Variants in ACOT11 observed in about 807,000 individuals in gnomAD.
ACOT11 encodes acyl-coenzyme A thioesterase 11.
ACOT11 carries 69 observed loss-of-function variants against 77.5 expected under a neutral mutation model. The observed-to-expected ratio is 0.89, with a 90% CI of 0.73 to 1.09. The LOEUF (loss-of-function observed/expected upper bound fraction) is 1.09, where lower values mean the gene tolerates loss of function less well. ACOT11 is among the 50% of genes least tolerant of loss of function. The pLI is 0.00. For synonymous variants in ACOT11, 279 were observed against 313.0 expected, an observed-to-expected ratio of 0.89 and a Z score of 1.15; for missense variants, 766 against 813.7, an observed-to-expected ratio of 0.94 and a Z score of 0.71.
rs868226157 is a variant in ACOT11, at chr1:54,634,626, A to T, written c.1783-62A>T. 3.0e-5 allele frequency: 21 copies of T among 696,536 alleles called. 1 individual carries two copies. The South Asian group carries it at 3.1e-4, about 10-fold the overall frequency. 43.1% of individuals were successfully genotyped at this position (696,536 alleles called of 1,614,324 possible). On this transcript the variant is annotated intron_variant, in intron 16 of 16. Transcript: ENST00000371316. The stretch of plus-strand genomic sequence containing the variant: ...TTATTTGGTGAAGAGATCCAATAAC[A>T]AAAAGTTGGGAAATAGGTAAAATAA...
chr1:54,601,786 G>A (rs1205126056), intron 9 of ACOT11, among the ~76,000 whole-genome samples: 1 of 152,228 alleles, frequency 6.6e-6, no homozygotes, highest in Non-Finnish European at 1.5e-5. Flanking sequence ...TAAAATGGGT[G>A]TATCTGCAGT....
intron 1 of ACOT11, among the ~76,000 whole-genome samples, chr1:54,569,192 C>G (rs915712117): frequency 1.3e-4 from 19 of 150,790 alleles, no homozygotes; most frequent in African/African-American, 3.4e-4. Context: ...AAACGCCTGG[C>G]TTCAAGCAAT....
At chr1:54,575,555 G>T (rs1166631506) in intron 1 of ACOT11, among the ~76,000 whole-genome samples, 1 of 148,872 alleles carries the variant, frequency 6.7e-6, no homozygotes, top group African/African-American at 2.6e-5. Context: ...ACACTAGGGA[G>T]AATTCGGAAC....
intron 15 of ACOT11, among the ~76,000 whole-genome samples, chr1:54,625,486 A>C (rs1222689787): frequency 1.3e-5 from 2 of 152,198 alleles, no homozygotes; most frequent in African/African-American, 4.8e-5. Flanking sequence ...TCCCTTCTGT[A>C]ATAAGGCATG....
At chr1:54,576,508 A>G (rs1401226128) in intron 1 of ACOT11, among the ~76,000 whole-genome samples, 1 of 151,564 alleles carries the variant, frequency 6.6e-6, no homozygotes, top group East Asian at 1.9e-4. Flanking sequence ...AAAAAAAAAA[A>G]AAAAAGCAAA....
chr1:54,608,088 C>T lies in ACOT11; in HGVS notation c.1629+20C>T, dbSNP rs1644052334. On this transcript the variant is annotated intron_variant, in intron 15 of 15. Coordinates refer to ENST00000343744, the MANE Select transcript of ACOT11 (RefSeq NM_147161.4). ...ACCAAGGTGAGGCCGGTCCCCCCAACCACGCCCCCAGCCTGGCTCCACCCC... is the reference window on the plus strand; with the variant it reads ...ACCAAGGTGAGGCCGGTCCCCCCAATCACGCCCCCAGCCTGGCTCCACCCC... 1 of 1,602,434 alleles carries T rather than the reference C, an allele frequency of 6.2e-7. No individual in the cohort carries two copies. The highest frequency in any genetic ancestry group is 8.5e-7 in the Non-Finnish European group (1 of 1,175,292).
Position 54,603,905 on chromosome 1 carries a change from C to G in ACOT11, c.1120C>G (p.Pro374Ala), listed in dbSNP as rs751566064. ...CGTGTCCTGTAAGCAGACAGAGGTGCCCCTCTCCGTCCCCTGGGACCCTAG... is the reference window on the plus strand; with the variant it reads ...CGTGTCCTGTAAGCAGACAGAGGTGGCCCTCTCCGTCCCCTGGGACCCTAG... ...YIVSCKQTEVPLSVPWDPSNQ... is the reference protein window; with the variant it reads ...YIVSCKQTEVALSVPWDPSNQ... Residue 374 changes from proline to alanine, a missense_variant, in exon 11 of 16, where the codon CCC becomes GCC. Physicochemically the swap from Pro to Ala is conservative, Grantham distance 27 (BLOSUM62 -1). Coordinates refer to ENST00000343744, the MANE Select transcript of ACOT11 (RefSeq NM_147161.4). 2 of 1,614,126 alleles carry G rather than the reference C, an allele frequency of 1.2e-6. No individual in the cohort carries two copies. The highest frequency in any genetic ancestry group is 8.5e-7 in the Non-Finnish European group (1 of 1,180,006).
Position 54,619,982 on chromosome 1 carries a change from A to G in ACOT11, c.1630-10752A>G, listed in dbSNP as rs780087244. On this transcript the variant is annotated intron_variant, in intron 15 of 16. Coordinates refer to the ACOT11 transcript ENST00000371316. Reference sequence around the variant, plus strand: ...GCAGGTAGTCCAGCATGTCGGCATCAGGGCTGCAGGCCTCCAGCTCACAGC... The same window carrying G: ...GCAGGTAGTCCAGCATGTCGGCATCGGGGCTGCAGGCCTCCAGCTCACAGC... 7.4e-6 allele frequency: 12 copies of G among 1,613,886 alleles called. No homozygotes were observed. In the East Asian group the frequency reaches 1.3e-4, roughly 18 times the overall value.
intron 1 of ACOT11, among the ~76,000 whole-genome samples, chr1:54,576,491 TA>T (rs71581820): frequency 0.082 from 5,570 of 68,266 alleles, 138 homozygotes; most frequent in East Asian, 0.19. Context: ...GAGCAAGATC[TA>T]AAAAAAAAAA....
At chr1:54,557,281 A>T (rs144688520) in intron 1 of ACOT11, among the ~76,000 whole-genome samples, 8,471 of 150,452 alleles carry the variant, frequency 0.056, 789 homozygotes, top group African/African-American at 0.2. Flanking sequence ...AATCCCAGCT[A>T]CTGAGGAGGC....
At chr1:54,623,691 C>T in intron 15 of ACOT11, 1 of 270,374 alleles carries the variant, frequency 3.7e-6, no homozygotes, top group Admixed American at 4.9e-5. Flanking sequence ...GAATGTTGGA[C>T]CGAGCCCCGA....
chr1:54,584,749 A>G lies in ACOT11; in HGVS notation c.128A>G (p.Asn43Ser), dbSNP rs1654437015. The G allele has an allele frequency of 6.2e-7, 1 of 1,613,910 alleles. No individual in the cohort carries two copies. Among genetic ancestry groups the G allele is most frequent in the South Asian group, 1.1e-5 (1 of 91,078 alleles). ...ATGGCAGACGGCGAGGGATACCGGA[A>G]CCCCACGGAGGTGCAGATGAGCCAG... Reference protein sequence around the residue: ...SAMADGEGYRNPTEVQMSQLV... With the variant: ...SAMADGEGYRSPTEVQMSQLV... The change falls in exon 2 of 16, where the codon AAC (asparagine) becomes AGC (serine). Residue 43 changes from asparagine (N) to serine (S), a missense_variant. Asn to Ser is a conservative substitution (Grantham distance 46). Transcript: ENST00000343744. The surrounding 1 kb of genome is among the most constrained non-coding windows in gnomAD (Gnocchi z 6.3).
rs879039301 is a variant in ACOT11, at chr1:54,548,230, T to G, written c.-80T>G. ...AGCAGGAGAGGCCCACAGGCTTCAT[T>G]TGGAGTCAGGCCTGGCTGTTGCTCA... On this transcript the variant is annotated 5_prime_UTR_variant, in exon 1 of 16. The change creates a new upstream start codon in the 5' untranslated region. Coordinates refer to ENST00000343744, the MANE Select transcript of ACOT11 (RefSeq NM_147161.4). 10 of 1,540,968 alleles carry G rather than the reference T, an allele frequency of 6.5e-6. No individual in the cohort carries two copies. The highest frequency in any genetic ancestry group is 1.9e-5 in the Admixed American group (1 of 51,404).
downstream of ACOT11, chr1:54,612,636 G>A (rs200315891): frequency 5.0e-6 from 8 of 1,614,060 alleles, no homozygotes; most frequent in African/African-American, 1.3e-5. Flanking sequence ...GTTTGGGGAC[G>A]TGGACATGTA....
At chr1:54,604,594 C>G (rs1644003054) in intron 12 of ACOT11, among the ~76,000 whole-genome samples, 165 bp downstream of exon 12, 1 of 152,186 alleles carries the variant, frequency 6.6e-6, no homozygotes, top group Admixed American at 6.5e-5. Flanking sequence ...CCCACCCCTG[C>G]AGGGCCTGGA....
exon 17 of ACOT11, chr1:54,635,865 T>A (rs959022907): frequency 1.3e-5 from 2 of 152,694 alleles, no homozygotes; most frequent in African/African-American, 4.8e-5. Flanking sequence ...CACTAAAACA[T>A]GTCCATAATG....
At chr1:54,549,775 G>A (rs1652998658) in intron 1 of ACOT11, among the ~76,000 whole-genome samples, 1 of 152,238 alleles carries the variant, frequency 6.6e-6, no homozygotes, top group Non-Finnish European at 1.5e-5. Context: ...CAGCAGCGAG[G>A]CTAAGGGTGG....
downstream of ACOT11, among the ~76,000 whole-genome samples, chr1:54,613,600 T>G (rs1214652985): frequency 6.6e-6 from 1 of 152,196 alleles, no homozygotes; most frequent in Non-Finnish European, 1.5e-5. Context: ...AAATTTTATT[T>G]GAACTTTGCC....
rs1644086637 is a variant in ACOT11, at chr1:54,609,564, C to T, written c.*452C>T. On this transcript the variant is annotated 3_prime_UTR_variant, in exon 16 of 16. Coordinates refer to ENST00000343744, the MANE Select transcript of ACOT11 (RefSeq NM_147161.4). The stretch of plus-strand genomic sequence containing the variant: ...TCTGTGAGCAGCTGTTCCCTGTAGC[C>T]ACTGCCCAGCACCTCCTCAGGCCAG... 2 of 1,612,700 alleles carry T rather than the reference C, an allele frequency of 1.2e-6. No homozygotes were observed. The highest frequency in any genetic ancestry group is 8.5e-7 in the Non-Finnish European group (1 of 1,180,040).
Sources: allele counts gnomAD v4.1 joint callset (sites outside exome capture counted in the v4.1 genomes callset), GRCh38; gene constraint gnomAD v4.1.1; non-coding constraint Gnocchi (gnomAD v3.1); transcripts MANE v1.5; gene names NCBI Gene and HGNC (gene_info 2026-07-23, HGNC 2026-07-21).